DIAPH2: variants seen among roughly 807,000 people sequenced by gnomAD.
The protein encoded by DIAPH2 is diaphanous related formin 2.
DIAPH2 carries 35 observed loss-of-function variants against 92.7 expected under a neutral mutation model. The ratio of observed to expected loss-of-function variants is 0.38; its 90% confidence interval spans 0.29 to 0.50. The LOEUF is 0.50. Among genes scored for constraint, DIAPH2 ranks in the 20% least tolerant of loss-of-function variants. The probability of loss-of-function intolerance (pLI) is 0.94; values close to 1 mark genes in which losing one functional copy is unlikely to be tolerated. For missense variants in DIAPH2, 701 were observed against 819.5 expected, an observed-to-expected ratio of 0.86 and a Z score of 1.77; for synonymous variants, 301 against 280.4, an observed-to-expected ratio of 1.07 and a Z score of -0.73.
intron 10 of DIAPH2, among the ~76,000 whole-genome samples, chrX:96,936,707 A>T (rs1032036847): frequency 8.9e-6 from 1 of 112,164 alleles, no homozygotes; most frequent in Non-Finnish European, 1.9e-5. Context: ...CTTAATAAAA[A>T]GTCCAAACGC....
At chrX:97,358,491 AT>A (rs1344361757) in intron 24 of DIAPH2, among the ~76,000 whole-genome samples, 1 of 111,729 alleles carries the variant, frequency 9.0e-6, no homozygotes, top group Admixed American at 9.6e-5. Context: ...CCTGCAAAAG[AT>A]TTTTTAAAAA....
At chrX:97,332,517 A>G (rs907235698) in intron 23 of DIAPH2, among the ~76,000 whole-genome samples, 7 of 112,159 alleles carry the variant, frequency 6.2e-5, no homozygotes, top group African/African-American at 9.7e-5. Flanking sequence ...TGAAACCACT[A>G]CTTAGATTGA....
At chrX:97,120,241 A>G (rs766422623) in intron 21 of DIAPH2, among the ~76,000 whole-genome samples, 1 of 110,053 alleles carries the variant, frequency 9.1e-6, no homozygotes, top group Non-Finnish European at 1.9e-5. Flanking sequence ...CTACCCCTGT[A>G]TTTTGCTTGG....
intron 23 of DIAPH2, chrX:97,340,991 T>C (rs2147680521): frequency 9.6e-6 from 1 of 103,757 alleles, no homozygotes; most frequent in East Asian, 3.0e-4. Context: ...AGTAAGTTTT[T>C]TTTTTTTTTT....
At chrX:96,726,144 C>T (rs972118358) in intron 1 of DIAPH2, among the ~76,000 whole-genome samples, 2 of 111,757 alleles carry the variant, frequency 1.8e-5, no homozygotes, top group Admixed American at 9.5e-5. Context: ...ATTATATATA[C>T]TAACTGCCTT....
At chrX:97,262,795 A>G (rs1038069186) in intron 23 of DIAPH2, among the ~76,000 whole-genome samples, 10 of 112,182 alleles carry the variant, frequency 8.9e-5, no homozygotes, top group African/African-American at 2.9e-4. Context: ...AAGGTGACCT[A>G]AAACACATGA....
At chrX:97,072,429 G>T (rs1006767749) in intron 17 of DIAPH2, among the ~76,000 whole-genome samples, 13 of 112,480 alleles carry the variant, frequency 1.2e-4, no homozygotes, top group Non-Finnish European at 2.4e-4. Context: ...TGCTACTGTT[G>T]TACAAATTGC....
At chrX:96,764,644 G>A (rs181131926) in intron 4 of DIAPH2, among the ~76,000 whole-genome samples, 1 of 111,706 alleles carries the variant, frequency 9.0e-6, no homozygotes, top group East Asian at 2.8e-4. Flanking sequence ...CCTGCTCCAG[G>A]AAGATTGTGA....
intron 16 of DIAPH2, among the ~76,000 whole-genome samples, chrX:96,961,557 T>C (rs1418792582): frequency 1.8e-5 from 2 of 109,584 alleles, no homozygotes; most frequent in Non-Finnish European, 3.8e-5. Flanking sequence ...ATTATTTTTT[T>C]CCTTCTACTG....
In DIAPH2 at chrX:97,465,282, C is replaced by G. The variant is rs140128917; in HGVS notation, c.3241+35537C>G. Among the ~76,000 whole-genome samples the G allele has an allele frequency of 2.9e-3, 323 of 111,434 alleles. 1 individual carries two copies. Among genetic ancestry groups the G allele is most frequent in the Middle Eastern group, 0.019 (4 of 215 alleles). On this transcript the variant is annotated intron_variant, in intron 26 of 26. Coordinates refer to ENST00000324765, the MANE Select transcript of DIAPH2 (RefSeq NM_006729.5). Reference sequence around the variant, plus strand: ...TTGCTTTAGAATTCACCCACACACACACACACACACACGTTTATGCGTTTA... The same window carrying G: ...TTGCTTTAGAATTCACCCACACACAGACACACACACACGTTTATGCGTTTA...
intron 4 of DIAPH2, among the ~76,000 whole-genome samples, chrX:96,780,761 C>T (rs2064411201): frequency 9.4e-6 from 1 of 106,640 alleles, no homozygotes. Context: ...GGATTACAGG[C>T]GTGAGCCACC....
intron 26 of DIAPH2, among the ~76,000 whole-genome samples, chrX:97,561,929 A>G (rs2071296517): frequency 8.9e-6 from 1 of 112,349 alleles, no homozygotes; most frequent in Admixed American, 9.4e-5. Flanking sequence ...ATAGTCATAA[A>G]ACCATGAATA....
At chrX:97,139,378 G>T (rs2147406874) in intron 21 of DIAPH2, among the ~76,000 whole-genome samples, 1 of 106,952 alleles carries the variant, frequency 9.3e-6, no homozygotes, top group East Asian at 2.9e-4. Context: ...CATAGAGAAA[G>T]GTTTAAAAGA....
intron 21 of DIAPH2, among the ~76,000 whole-genome samples, chrX:97,135,984 T>G (rs1170937630): frequency 9.0e-6 from 1 of 111,562 alleles, no homozygotes; most frequent in African/African-American, 3.3e-5. Flanking sequence ...CATAAGTAAA[T>G]GGGTAGAAAT....
chrX:96,796,054 T>C (rs1403704594), intron 4 of DIAPH2, among the ~76,000 whole-genome samples: 1 of 112,158 alleles, frequency 8.9e-6, no homozygotes, highest in Non-Finnish European at 1.9e-5. Context: ...TGGATTTTGG[T>C]ATCCAAGAGG....
intron 24 of DIAPH2, among the ~76,000 whole-genome samples, chrX:97,383,506 A>G (rs767061309): frequency 1.9e-4 from 21 of 108,846 alleles, no homozygotes; most frequent in Admixed American, 1.6e-3. Context: ...TTTCCTTACT[A>G]TGTCTTCTCA....
chrX:97,484,416 AAC>A (rs1212829023), intron 26 of DIAPH2, among the ~76,000 whole-genome samples: 3 of 112,284 alleles, frequency 2.7e-5, no homozygotes, highest in African/African-American at 9.7e-5. Flanking sequence ...ACGAATATAA[AAC>A]ACAGCACAGT....
At chrX:96,832,412 A>G (rs1303980139) in intron 4 of DIAPH2, among the ~76,000 whole-genome samples, 2 of 111,458 alleles carry the variant, frequency 1.8e-5, no homozygotes, top group Non-Finnish European at 3.8e-5. Flanking sequence ...CTGATTCACA[A>G]TGAGAGAAAA....
At chrX:97,036,161 T>G (rs979676701) in intron 17 of DIAPH2, among the ~76,000 whole-genome samples, 7 of 111,995 alleles carry the variant, frequency 6.3e-5, no homozygotes, top group African/African-American at 1.9e-4. Flanking sequence ...TGATAAATGT[T>G]AAATATTGGA....
Sources: allele counts gnomAD v4.1 joint callset (sites outside exome capture counted in the v4.1 genomes callset), GRCh38; gene constraint gnomAD v4.1.1; transcripts MANE v1.5; gene names NCBI Gene and HGNC (gene_info 2026-07-23, HGNC 2026-07-21).